The following IFT74 variants were observed in gnomAD, a reference collection of about 807,000 sequenced individuals.
The protein encoded by IFT74 is intraflagellar transport protein 74 homolog.
IFT74 carries 92 observed loss-of-function variants against 96.7 expected under a neutral mutation model. The ratio of observed to expected loss-of-function variants is 0.95; its 90% CI spans 0.80 to 1.13. IFT74 has a LOEUF of 1.13. Among genes scored for constraint, IFT74 ranks in the 50% most tolerant of loss-of-function variants. The pLI is 0.00. For missense variants in IFT74, 811 were observed against 698.2 expected, an observed-to-expected ratio of 1.16 and a Z score of -1.82; for synonymous variants, 223 against 213.2, an observed-to-expected ratio of 1.05 and a Z score of -0.40.
chr9:26,985,842 A>G (rs1339966160), intron 6 of IFT74, among the ~76,000 whole-genome samples: 1 of 152,202 alleles, frequency 6.6e-6, no homozygotes, highest in African/African-American at 2.4e-5. Context: ...TTGAAATTTA[A>G]TTATTAAACA....
intron 8 of IFT74, chr9:26,995,854 A>C (rs184579360): frequency 1.3e-6 from 2 of 1,590,994 alleles, no homozygotes; most frequent in Admixed American, 3.5e-5. Context: ...CATGTTCTTT[A>C]ATGGAATACC....
upstream of IFT74, among the ~76,000 whole-genome samples, chr9:26,953,942 C>A (rs1039201557): frequency 6.6e-6 from 1 of 152,194 alleles, no homozygotes; most frequent in Non-Finnish European, 1.5e-5. Context: ...AAGTGGTATC[C>A]TCTTCATTGG....
chr9:26,976,767 A>G (rs1184150010), intron 2 of IFT74: 5 of 456,074 alleles, frequency 1.1e-5, no homozygotes, highest in South Asian at 4.6e-5. Flanking sequence ...CACATCTTTT[A>G]TATCTTCTCA....
At chr9:27,023,245 G>A (rs1244857203) in intron 12 of IFT74, among the ~76,000 whole-genome samples, 2 of 152,104 alleles carry the variant, frequency 1.3e-5, no homozygotes, top group Non-Finnish European at 2.9e-5. Flanking sequence ...CCAGTTCTTA[G>A]GGGGAATGCT....
At chr9:27,028,385 A>G (rs1438413844) in intron 12 of IFT74, among the ~76,000 whole-genome samples, 2 of 152,192 alleles carry the variant, frequency 1.3e-5, no homozygotes, top group Non-Finnish European at 2.9e-5. Context: ...AACTCAAAGG[A>G]AAGTTGGGAG....
Position 27,064,555 on chromosome 9 carries a change from TAACA to T in IFT74, c.*1824_*1827del, listed in dbSNP as rs1032438945. Among the ~76,000 whole-genome samples, 2 of 152,072 alleles carry T rather than the reference TAACA, an allele frequency of 1.3e-5. No homozygotes were observed. The highest frequency in any genetic ancestry group is 2.4e-5 in the African/African-American group (1 of 41,438). Reference sequence around the variant, plus strand: ...TGAAAAACATTCATCTTTTATACAGTAACAAACAGAGGTATGATTGAGCATAGAG... The same window carrying T: ...TGAAAAACATTCATCTTTTATACAGTAACAGAGGTATGATTGAGCATAGAG... On this transcript the variant is annotated 3_prime_UTR_variant, in exon 20 of 20. Transcript: ENST00000380062.
rs759194964 is a variant in IFT74 at position 26,978,195 on chromosome 9, C to T, written c.188C>T (p.Ser63Phe). The T allele has an allele frequency of 3.7e-6, 6 of 1,613,470 alleles. No individual in the cohort carries two copies. Among genetic ancestry groups the T allele is most frequent in the Non-Finnish European group, 5.1e-6 (6 of 1,179,880 alleles). Residue 63 changes from serine (S) to phenylalanine (F), a missense_variant, in exon 3 of 20, where the codon TCT becomes TTT. Ser to Phe is a radical substitution (Grantham distance 155, BLOSUM62 -2). Coordinates refer to ENST00000380062, the MANE Select transcript of IFT74 (RefSeq NM_025103.4). ...CPIGTGGVLS[S>F]QIKVAHRPVT... is the part of the protein sequence containing the mutation. ...ATAGGGACTGGTGGAGTTCTGTCTT[C>T]TCAAATCAAAGTTGCCCATCGCCCT...
rs934101691 is a variant in IFT74, at chr9:27,037,074, G to T, written c.1055-7668G>T. Among the ~76,000 whole-genome samples, 28 of 152,108 alleles carry T rather than the reference G, an allele frequency of 1.8e-4. 1 individual carries two copies. The highest frequency in any genetic ancestry group is 1.7e-3 in the Admixed American group (26 of 15,276). ...CTCTACTAAAAAATACAAAAACTTA[G>T]CCGGTAGTGGTGGTGGGCACCTGTA... On this transcript the variant is annotated intron_variant, in intron 13 of 19. Transcript: ENST00000380062.
intron 13 of IFT74, chr9:27,036,629 G>T: frequency 6.9e-7 from 1 of 1,446,908 alleles, no homozygotes; most frequent in Middle Eastern, 1.8e-4. Context: ...TGTTTGAGCA[G>T]TGTTCATCTG....
At chr9:27,016,831 T>G (rs1829364778) in intron 10 of IFT74, 76 bp from the exon 11 acceptor site, 2 of 1,193,838 alleles carry the variant, frequency 1.7e-6, no homozygotes, top group South Asian at 3.4e-5. Context: ...ACCCCCATTC[T>G]TATAAACTGA....
At position 27,056,417 on chromosome 9, in the gene IFT74, G is replaced by A. The variant is rs376968222; in HGVS notation, c.1581G>A (p.Glu527=). The A allele has an allele frequency of 1.1e-4, 170 of 1,599,986 alleles. No individual in the cohort carries two copies. The highest frequency in any genetic ancestry group is 1.4e-4 in the Non-Finnish European group (166 of 1,174,198). The change falls in exon 18 of 20, where the codon GAG becomes GAA. Residue 527 remains glutamate (E), a synonymous_variant. Transcript: ENST00000380062. ...TGGAGAAGCAAAACATAGAGTATGA[G>A]GCACTAAAAACACAATTGCAAGAAA... ...KIMEKQNIEY[E]ALKTQLQENE...
chr9:27,007,674 G>A (rs1828861979), intron 8 of IFT74, among the ~76,000 whole-genome samples: 1 of 152,154 alleles, frequency 6.6e-6, no homozygotes, highest in African/African-American at 2.4e-5. Context: ...TCTAGTAGTA[G>A]GATATGAATG....
At position 27,065,333 on chromosome 9, in the gene IFT74, A is replaced by T. The variant is rs1487422639; in HGVS notation, c.*2597A>T. ...ATTCTCTTTACTGGGATAGAACTGG[A>T]GGCTAATAGCTGCATGAACTGGCTC... On this transcript the variant is annotated 3_prime_UTR_variant, in exon 20 of 20. Transcript: ENST00000380062. Among the ~76,000 whole-genome samples the T allele has an allele frequency of 1.3e-5, 2 of 152,136 alleles. No homozygotes were observed. Among genetic ancestry groups the T allele is most frequent in the African/African-American group, 4.8e-5 (2 of 41,444 alleles).
chr9:26,972,579 G>T (rs1271342357), intron 2 of IFT74, among the ~76,000 whole-genome samples: 2 of 152,180 alleles, frequency 1.3e-5, no homozygotes, highest in Admixed American at 1.3e-4. Context: ...TCAATCTGAT[G>T]AATTTTATCG....
chr9:27,029,569 GA>G (rs1357996881), intron 13 of IFT74, among the ~76,000 whole-genome samples: 1 of 151,914 alleles, frequency 6.6e-6, no homozygotes, highest in African/African-American at 2.4e-5. Context: ...CCAACATGGA[GA>G]AACCACATCT....
rs10967619 is a variant in IFT74 at position 26,956,761 on chromosome 9, G to A, written c.-20+245G>A. Among the ~76,000 whole-genome samples the A allele has an allele frequency of 8.8e-3, 1,335 of 152,348 alleles. 17 individuals are homozygous for A. Among genetic ancestry groups the A allele is most frequent in the African/African-American group, 0.03 (1,242 of 41,582 alleles). On this transcript the variant is annotated intron_variant, in intron 1 of 19. Transcript: ENST00000380062. The stretch of plus-strand genomic sequence containing the variant: ...GAGACCCGCCAAGCACAGAGCAGAG[G>A]GAAGGACCGCGATGGGCTGAAGGAT...
intron 9 of IFT74, among the ~76,000 whole-genome samples, chr9:27,011,157 G>A (rs929701254): frequency 2.0e-5 from 3 of 152,134 alleles, no homozygotes; most frequent in Admixed American, 2.0e-4. Context: ...GGAGGCTGAG[G>A]CAGGTACTTG....
In IFT74 at chr9:27,044,591, C is replaced by G. The variant is rs549511290; in HGVS notation, c.1055-151C>G. On this transcript the variant is annotated intron_variant, in intron 13 of 19. Transcript: ENST00000380062. ...ACATGCATATGTCTACTTGAAAAGTCTCTATAAGTCATTGTAAAAGAATTT... is the reference window on the plus strand; with the variant it reads ...ACATGCATATGTCTACTTGAAAAGTGTCTATAAGTCATTGTAAAAGAATTT... The G allele has an allele frequency of 7.7e-4, 409 of 529,398 alleles. 4 individuals are homozygous for G. The Middle Eastern group carries it at 0.02, about 25-fold the overall frequency. The allele number at this position is 529,398 out of a possible 1,614,324, so 32.8% of individuals were successfully genotyped here.
chr9:27,059,142 T>C (rs535922224), intron 18 of IFT74, among the ~76,000 whole-genome samples: 26 of 152,116 alleles, frequency 1.7e-4, no homozygotes, highest in Non-Finnish European at 1.0e-4. Flanking sequence ...TTTAACTCCA[T>C]GTATTGATAA....
Sources: gnomAD v4.1 joint callset for allele counts (sites outside exome capture counted in the v4.1 genomes callset) on GRCh38, gnomAD v4.1.1 for gene constraint, MANE v1.5 for transcripts, NCBI Gene and HGNC (gene_info 2026-07-23, HGNC 2026-07-21) for gene names.